PLXNB1: variants seen among roughly 807,000 people sequenced by gnomAD.
PLXNB1 encodes the protein plexin B1.
In PLXNB1, 106 loss-of-function variants were observed where a neutral mutation model predicts 209.4. The ratio of observed to expected loss-of-function variants is 0.51; its 90% CI spans 0.43 to 0.59. PLXNB1 has a LOEUF of 0.59. PLXNB1 is among the 20% of genes least tolerant of loss of function. The pLI, the probability that PLXNB1 is intolerant of heterozygous loss-of-function variation, is 0.00. For synonymous variants in PLXNB1, 1,167 were observed against 1,183.2 expected (o/e 0.99, Z 0.28); for missense variants, 2,357 against 2,853.2 (o/e 0.83, Z 3.96).
intron 1 of PLXNB1, among the ~76,000 whole-genome samples, chr3:48,427,713 T>G (rs891028272): frequency 6.6e-6 from 1 of 152,142 alleles, no homozygotes; most frequent in African/African-American, 2.4e-5. Flanking sequence ...CACAGGCTCT[T>G]GCCGCTGCCT....
chr3:48,423,366 G>T, intron 3 of PLXNB1, 139 bp downstream of exon 3: 1 of 930,380 alleles, frequency 1.1e-6, no homozygotes, highest in Non-Finnish European at 1.6e-6. Context: ...GGCAACATAG[G>T]AAGCACTTAA....
rs758273567 is a variant in PLXNB1, at chr3:48,419,960, T to C, written c.2326A>G (p.Thr776Ala). 9 of 1,571,832 alleles carry C rather than the reference T, an allele frequency of 5.7e-6. No homozygotes were observed. In the Admixed American group the frequency reaches 1.6e-4, roughly 28 times the overall value. Residue 776 changes from threonine (T) to alanine (A), a missense_variant, in exon 11 of 38, where the codon ACT becomes GCT. Coordinates refer to ENST00000296440, the MANE Select transcript of PLXNB1 (RefSeq NM_001130082.3). The surrounding 1 kb of genome is among the most constrained non-coding windows in gnomAD (Gnocchi z 5.7). Reference protein sequence around the residue: ...NGPGTAVPAPTDFRPSATPED... With the variant: ...NGPGTAVPAPADFRPSATPED... The stretch of plus-strand genomic sequence containing the variant: ...GGTGTGGCTGAGGGTCTGAAGTCAG[T>C]GGGGGCAGGGACAGCGGTTCCAGGT...
In PLXNB1 at chr3:48,409,421, C is replaced by T. The variant is rs1394169885; in HGVS notation, c.5995G>A (p.Val1999Met). Residue 1999 changes from valine (V) to methionine (M), a missense_variant, in exon 34 of 38, where the codon GTG (valine) becomes ATG (methionine). Coordinates refer to ENST00000296440, the MANE Select transcript of PLXNB1 (RefSeq NM_001130082.3). The surrounding 1 kb of genome is among the most constrained non-coding windows in gnomAD (Gnocchi z 5.8). ...GCATCCATGTTATCAGATGTTTGCA[C>T]GTCGAACACAAACTGCGGGTTTTTT... ...IIKNPQFVFD[V>M]QTSDNMDAVL... 3.1e-6 allele frequency: 5 copies of T among 1,614,186 alleles called. No individual in the cohort carries two copies. The highest frequency in any genetic ancestry group is 2.2e-5 in the East Asian group (1 of 44,882).
At position 48,419,330 on chromosome 3, in the gene PLXNB1, C is replaced by G. The variant is rs2038328657; in HGVS notation, c.2746G>C (p.Val916Leu). 1 of 1,589,302 alleles carries G rather than the reference C, an allele frequency of 6.3e-7. No homozygotes were observed. The highest frequency in any genetic ancestry group is 1.1e-5 in the South Asian group (1 of 89,172). ...AACGTGGAGCCCTGAACGCTCTCCA[C>G]ACAGGGGCAGGAGCTTGCCCCCAAG... ...ATLGASSCPC[V>L]ESVQGSTLMP... Residue 916 changes from valine to leucine, a missense_variant, in exon 12 of 38, where the codon GTG becomes CTG. By Grantham distance (32) the Val-to-Leu change is conservative. Around this residue, in one of 7 missense-constraint regions of PLXNB1, gnomAD observed 410 missense variants for 401.0 expected, o/e 1.02. Coordinates refer to ENST00000296440, the MANE Select transcript of PLXNB1 (RefSeq NM_001130082.3). The surrounding 1 kb of genome is among the most constrained non-coding windows in gnomAD (Gnocchi z 5.7).
intron 26 of PLXNB1, 28 bp downstream of exon 26, chr3:48,412,414 C>T (rs1456827106): frequency 2.5e-6 from 4 of 1,611,962 alleles, no homozygotes; most frequent in African/African-American, 2.7e-5. Flanking sequence ...CTGTCCAGGG[C>T]CCACCCAGCC....
In PLXNB1 at chr3:48,414,040, T is replaced by A; in HGVS notation, c.4241A>T (p.Glu1414Val). Residue 1414 changes from glutamate (E) to valine (V), a missense_variant, in exon 22 of 38, where the codon GAG (glutamate) becomes GTG (valine). Coordinates refer to ENST00000296440, the MANE Select transcript of PLXNB1 (RefSeq NM_001130082.3). ...GENLDLAMSK[E>V]EVVAMIGDGP... ...ATCCCCTATCATAGCCACCACCTCC[T>A]CCTTGGACATTGCAAGGTCCAGGTT... The A allele has an allele frequency of 1.2e-6, 2 of 1,613,832 alleles. No homozygotes were observed. Among genetic ancestry groups the A allele is most frequent in the Non-Finnish European group, 1.7e-6 (2 of 1,179,916 alleles).
At position 48,420,027 on chromosome 3, in the gene PLXNB1, C is replaced by T. The variant is rs776721708; in HGVS notation, c.2259G>A (p.Ser753=). The T allele has an allele frequency of 2.7e-5, 43 of 1,608,154 alleles. No homozygotes were observed. Among genetic ancestry groups the T allele is most frequent in the Non-Finnish European group, 2.9e-5 (34 of 1,176,346 alleles). The part of the protein sequence containing the change: ...GSISSPGSTG[S]PLHEEPSPPS... The stretch of plus-strand genomic sequence containing the variant: ...GAGGGGAGGGCTCCTCATGGAGAGG[C>T]GACCCTGTGGAGCCAGGGGAAGATA... Residue 753 remains serine, a synonymous_variant, in exon 11 of 38, where the codon TCG becomes TCA. Transcript: ENST00000296440.
intron 34 of PLXNB1, among the ~76,000 whole-genome samples, chr3:48,407,308 A>G (rs563625570): frequency 8.9e-4 from 135 of 152,002 alleles, no homozygotes; most frequent in African/African-American, 3.1e-3. Context: ...CCTTCCACCA[A>G]TGTCCAGTCT....
In PLXNB1 at chr3:48,418,337, G is replaced by A. The variant is rs1166031954; in HGVS notation, c.3076C>T (p.His1026Tyr). 4.3e-6 allele frequency: 7 copies of A among 1,613,542 alleles called. No homozygotes were observed. Among genetic ancestry groups the A allele is most frequent in the Non-Finnish European group, 5.1e-6 (6 of 1,180,038 alleles). ...HVVLYDCSVGHGDCSRCQTAM... is the reference protein window; with the variant it reads ...HVVLYDCSVGYGDCSRCQTAM... ...GTTTGGCAGCGGCTGCAGTCTCCATGTCCCACGGAACAGTCATACAGTACC... is the reference window on the plus strand; with the variant it reads ...GTTTGGCAGCGGCTGCAGTCTCCATATCCCACGGAACAGTCATACAGTACC... The change falls in exon 15 of 38, where the codon CAT (histidine) becomes TAT (tyrosine). Residue 1026 changes from histidine (H) to tyrosine (Y), a missense_variant. By Grantham distance (83) the His-to-Tyr change is moderately conservative. Around this residue, in one of 7 missense-constraint regions of PLXNB1, gnomAD observed 743 missense variants for 896.2 expected, o/e 0.83. Transcript: ENST00000296440. This position sits in a 1 kb window ranked among gnomAD's most constrained non-coding sequence, Gnocchi z 6.6.
Position 48,411,775 on chromosome 3 carries a change from C to A in PLXNB1, c.5247+88G>T. On this transcript the variant is annotated intron_variant, in intron 28 of 37. Transcript: ENST00000296440. The surrounding 1 kb of genome is among the most constrained non-coding windows in gnomAD (Gnocchi z 4.0). The stretch of plus-strand genomic sequence containing the variant: ...CTACATCCAGGTACCACATCAGAAG[C>A]TGGTGTCCAGACCCCACACACCCAC... 7.0e-7 allele frequency: 1 copy of A among 1,425,346 alleles called. No individual in the cohort carries two copies. The allele number at this position is 1,425,346 out of a possible 1,614,324, so 88.3% of individuals were successfully genotyped here. A position where few individuals can be genotyped will look rare whatever the true frequency, so the allele number is the denominator to read the frequency against.
At chr3:48,426,235 G>A (rs553343712) in intron 1 of PLXNB1, among the ~76,000 whole-genome samples, 3 of 152,328 alleles carry the variant, frequency 2.0e-5, no homozygotes, top group African/African-American at 7.2e-5. Flanking sequence ...GACCTCCCCA[G>A]ACTTTGGGTG....
chr3:48,411,779 T>C lies in PLXNB1; in HGVS notation c.5247+84A>G, dbSNP rs966283931. On this transcript the variant is annotated intron_variant, in intron 28 of 37. Coordinates refer to ENST00000296440, the MANE Select transcript of PLXNB1 (RefSeq NM_001130082.3). The surrounding 1 kb of genome is among the most constrained non-coding windows in gnomAD (Gnocchi z 4.0). Reference sequence around the variant, plus strand: ...ATCCAGGTACCACATCAGAAGCTGGTGTCCAGACCCCACACACCCACACAC... The same window carrying C: ...ATCCAGGTACCACATCAGAAGCTGGCGTCCAGACCCCACACACCCACACAC... The C allele has an allele frequency of 4.6e-5, 68 of 1,463,040 alleles. No homozygotes were observed. Among genetic ancestry groups the C allele is most frequent in the Non-Finnish European group, 5.3e-5 (56 of 1,066,146 alleles). The allele number at this position is 1,463,040 out of a possible 1,614,324, so 90.6% of individuals were successfully genotyped here.
At chr3:48,414,686 T>A in intron 21 of PLXNB1, 113 bp downstream of exon 21, 1 of 1,281,494 alleles carries the variant, frequency 7.8e-7, no homozygotes, top group Non-Finnish European at 1.1e-6. Flanking sequence ...TGAGGAGCCA[T>A]GTCCATCCAC....
Position 48,411,778 on chromosome 3 carries a change from G to A in PLXNB1, c.5247+85C>T. The A allele has an allele frequency of 3.4e-6, 5 of 1,461,906 alleles. No individual in the cohort carries two copies. Among genetic ancestry groups the A allele is most frequent in the East Asian group, 2.3e-5 (1 of 43,816 alleles). The allele number at this position is 1,461,906 out of a possible 1,614,324, so 90.6% of individuals were successfully genotyped here. A position where few individuals can be genotyped will look rare whatever the true frequency, so the allele number is the denominator to read the frequency against. On this transcript the variant is annotated intron_variant, in intron 28 of 37. Transcript: ENST00000296440. The surrounding 1 kb of genome is among the most constrained non-coding windows in gnomAD (Gnocchi z 4.0). The stretch of plus-strand genomic sequence containing the variant: ...CATCCAGGTACCACATCAGAAGCTG[G>A]TGTCCAGACCCCACACACCCACACA...
intron 10 of PLXNB1, 90 bp downstream of exon 10, chr3:48,420,575 C>T: frequency 3.8e-6 from 4 of 1,046,602 alleles, no homozygotes; most frequent in East Asian, 2.5e-5. Context: ...CAGAGCCTCA[C>T]ATAGGCAGAC....
In PLXNB1 at chr3:48,421,715, C is replaced by T. The variant is rs1277857067; in HGVS notation, c.1612G>A (p.Ala538Thr). 2 of 1,609,854 alleles carry T rather than the reference C, an allele frequency of 1.2e-6. No homozygotes were observed. Among genetic ancestry groups the T allele is most frequent in the Admixed American group, 1.7e-5 (1 of 59,954 alleles). The stretch of plus-strand genomic sequence containing the variant: ...CGGCTGATGTTGGCAGGACTCATGG[C>T]TGCCACTTGCAGACAGCCCAGCTCA... The part of the protein sequence containing the change: ...QPELGCLQVA[A>T]MSPANISREE... Residue 538 changes from alanine to threonine, a missense_variant, in exon 7 of 38, where the codon GCC becomes ACC. Physicochemically the swap from Ala to Thr is moderately conservative, Grantham distance 58. Transcript: ENST00000296440.
rs1178159967 is a variant in PLXNB1, at chr3:48,417,512, A to T, written c.3374+399T>A. Reference sequence around the variant, plus strand: ...GCCTTCCAAGTCTACCTTCCTGAAGAGCCTGGCAGCCCAGGACAATGCCTG... The same window carrying T: ...GCCTTCCAAGTCTACCTTCCTGAAGTGCCTGGCAGCCCAGGACAATGCCTG... On this transcript the variant is annotated intron_variant, in intron 16 of 37. Transcript: ENST00000296440. The surrounding 1 kb of genome is among the most constrained non-coding windows in gnomAD (Gnocchi z 4.4). Among the ~76,000 whole-genome samples, 1 of 152,180 alleles carries T rather than the reference A, an allele frequency of 6.6e-6. No homozygotes were observed. Among genetic ancestry groups the T allele is most frequent in the Non-Finnish European group, 1.5e-5 (1 of 68,016 alleles).
rs2038092072 is a variant in PLXNB1, at chr3:48,416,245, C to T, written c.3481-78G>A. On this transcript the variant is annotated intron_variant, in intron 17 of 37. Coordinates refer to ENST00000296440, the MANE Select transcript of PLXNB1 (RefSeq NM_001130082.3). This position sits in a 1 kb window ranked among gnomAD's most constrained non-coding sequence, Gnocchi z 4.1. Reference sequence around the variant, plus strand: ...GGGACAGCCTGAGAGACAGGCTGGCCCAGGACTGGGAGCCCCACCAAGGAA... The same window carrying T: ...GGGACAGCCTGAGAGACAGGCTGGCTCAGGACTGGGAGCCCCACCAAGGAA... The T allele has an allele frequency of 1.3e-6, 2 of 1,554,096 alleles. No homozygotes were observed. The highest frequency in any genetic ancestry group is 1.8e-6 in the Non-Finnish European group (2 of 1,139,460).
intron 37 of PLXNB1, 75 bp from the exon 38 acceptor site, chr3:48,404,665 TAA>T: frequency 1.0e-6 from 1 of 955,650 alleles, no homozygotes; most frequent in Non-Finnish European, 1.6e-6. Flanking sequence ...ACAGCCCTCC[TAA>T]GACGCTGTGG....
Sources: gnomAD v4.1 joint callset for allele counts (sites outside exome capture counted in the v4.1 genomes callset) on GRCh38, gnomAD v4.1.1 for gene constraint, gnomAD v4.1.1 regional missense constraint, Gnocchi (gnomAD v3.1) non-coding constraint, MANE v1.5 for transcripts, NCBI Gene and HGNC (gene_info 2026-07-23, HGNC 2026-07-21) for gene names.